The following COG5 variants were observed in gnomAD, a reference collection of about 807,000 sequenced individuals.
COG5 encodes conserved oligomeric Golgi complex subunit 5.
Under a neutral mutation model 110.4 loss-of-function variants are expected in COG5, and 86 were observed. The observed-to-expected ratio is 0.78, with a 90% CI of 0.65 to 0.93. The LOEUF is 0.93. Among genes scored for constraint, COG5 ranks in the 40% least tolerant of loss-of-function variants. The probability of loss-of-function intolerance (pLI) is 0.00; values close to 1 mark genes in which losing one functional copy is unlikely to be tolerated. For missense variants in COG5, 1,077 were observed against 987.0 expected (o/e 1.09, Z -1.22); for synonymous variants, 360 against 334.6 (o/e 1.08, Z -0.83).
At chr7:107,480,621 A>C (rs1797285159) in intron 6 of COG5, among the ~76,000 whole-genome samples, 1 of 152,136 alleles carries the variant, frequency 6.6e-6, no homozygotes, top group Non-Finnish European at 1.5e-5. Context: ...CTCACAAAAG[A>C]AAACTAATTT....
chr7:107,324,534 A>G lies in COG5; in HGVS notation c.1027-13T>C. 1 of 1,560,892 alleles carries G rather than the reference A, an allele frequency of 6.4e-7. No homozygotes were observed. The highest frequency in any genetic ancestry group is 1.2e-5 in the South Asian group (1 of 84,204). Reference sequence around the variant, plus strand: ...CCGGTTGTCCATCCTGTGAAGAACAAACAAAAATTTTTTAAAAATAAAAAA... The same window carrying G: ...CCGGTTGTCCATCCTGTGAAGAACAGACAAAAATTTTTTAAAAATAAAAAA... On this transcript the variant is annotated splice_polypyrimidine_tract_variant and intron_variant, in intron 10 of 21. Coordinates refer to ENST00000297135, the MANE Select transcript of COG5 (RefSeq NM_006348.5).
At chr7:107,466,269 T>C (rs984407582) in intron 6 of COG5, among the ~76,000 whole-genome samples, 4 of 152,252 alleles carry the variant, frequency 2.6e-5, no homozygotes, top group Admixed American at 6.5e-5. Flanking sequence ...ATGCCAACAG[T>C]TGTGCAACAG....
At chr7:107,208,365 A>G in intron 21 of COG5, 2 of 985,474 alleles carry the variant, frequency 2.0e-6, no homozygotes, top group Non-Finnish European at 2.4e-6. Flanking sequence ...AAAGAGAAGC[A>G]AAAGAAAACA....
At position 107,202,971 on chromosome 7, in the gene COG5, ATT is replaced by A. The variant is rs61088959; in HGVS notation, c.*543_*544del. The A allele has an allele frequency of 1.7e-4, 25 of 144,114 alleles. No homozygotes were observed. Among genetic ancestry groups the A allele is most frequent in the Admixed American group, 2.8e-4 (4 of 14,382 alleles). The allele number at this position is 144,114 out of a possible 1,614,324, so 8.9% of individuals were successfully genotyped here. A position where few individuals can be genotyped will look rare whatever the true frequency, so the allele number is the denominator to read the frequency against. ...GTTGTCTATTGGAATCATTTTGGGG[ATT>A]TTTTTTTTTTTTAATAGTGGTGTCT... is the stretch of plus-strand genomic sequence containing the variant. On this transcript the variant is annotated 3_prime_UTR_variant, in exon 22 of 22. Coordinates refer to ENST00000297135, the MANE Select transcript of COG5 (RefSeq NM_006348.5).
Position 107,372,670 on chromosome 7 carries a change from C to G in COG5, c.760G>C (p.Ala254Pro). The G allele has an allele frequency of 2.5e-6, 4 of 1,613,508 alleles. No individual in the cohort carries two copies. Among genetic ancestry groups the G allele is most frequent in the Non-Finnish European group, 2.5e-6 (3 of 1,179,678 alleles). The stretch of plus-strand genomic sequence containing the variant: ...CTGTTGATATTTTCTTCTAAAGTAG[C>G]ACAATATCCATCCACAACACTGGTA... ...TITSVVDGYC[A>P]TLEENINSAL... Residue 254 changes from alanine (A) to proline (P), a missense_variant, in exon 8 of 22, where the codon GCT (alanine) becomes CCT (proline). Ala to Pro is a conservative substitution (Grantham distance 27). Transcript: ENST00000297135.
At chr7:107,314,048 T>C (rs1318933783) in intron 11 of COG5, among the ~76,000 whole-genome samples, 1 of 152,126 alleles carries the variant, frequency 6.6e-6, no homozygotes, top group Non-Finnish European at 1.5e-5. Flanking sequence ...ATTCACAGGA[T>C]GGAATATTTT....
At chr7:107,563,044 C>T (rs562929919) in intron 1 of COG5, among the ~76,000 whole-genome samples, 4 of 152,226 alleles carry the variant, frequency 2.6e-5, no homozygotes, top group South Asian at 2.1e-4. Flanking sequence ...GTGAGAAGGG[C>T]TTTATTTTTA....
At chr7:107,331,403 G>A (rs1250664220) in intron 10 of COG5, among the ~76,000 whole-genome samples, 1 of 152,052 alleles carries the variant, frequency 6.6e-6, no homozygotes, top group Non-Finnish European at 1.5e-5. Context: ...GGGAGGCGGA[G>A]CTTGCAGTGA....
intron 6 of COG5, chr7:107,473,982 T>G (rs1796813569): frequency 2.9e-6 from 2 of 697,798 alleles, no homozygotes; most frequent in South Asian, 2.0e-5. Context: ...GAACACGTTA[T>G]ACGTCATTTA....
intron 10 of COG5, among the ~76,000 whole-genome samples, chr7:107,356,754 A>G (rs1437767049): frequency 1.3e-5 from 2 of 152,170 alleles, no homozygotes; most frequent in African/African-American, 2.4e-5. Context: ...TGTAATTCTA[A>G]TATTATTTCA....
chr7:107,327,826 T>C (rs1809901254), intron 10 of COG5, among the ~76,000 whole-genome samples: 2 of 152,188 alleles, frequency 1.3e-5, no homozygotes, highest in Admixed American at 1.3e-4. Flanking sequence ...GTGGAGAAAC[T>C]GGAAATTTTG....
intron 14 of COG5, among the ~76,000 whole-genome samples, chr7:107,274,812 T>G (rs2116746256): frequency 6.6e-6 from 1 of 152,306 alleles, no homozygotes; most frequent in South Asian, 2.1e-4. Context: ...ATTTTTTACC[T>G]TCTCTTGAAA....
In COG5 at chr7:107,278,889, T is replaced by C. The variant is rs568475934; in HGVS notation, c.1575+2411A>G. 2.6e-5 allele frequency among the ~76,000 whole-genome samples: 4 copies of C among 152,262 alleles called. No individual in the cohort carries two copies. The East Asian group carries it at 5.8e-4, about 22-fold the overall frequency. On this transcript the variant is annotated intron_variant, in intron 14 of 21. Coordinates refer to ENST00000297135, the MANE Select transcript of COG5 (RefSeq NM_006348.5). ...GACACAGGCATGGGCAAAGACTTCA[T>C]GACTAAAACACCAAAAGCAATGGCA...
intron 5 of COG5, among the ~76,000 whole-genome samples, chr7:107,532,141 C>T (rs545614187): frequency 6.6e-6 from 1 of 152,300 alleles, no homozygotes; most frequent in South Asian, 2.1e-4. Context: ...ACTGCAACCT[C>T]CCCCTCCAGG....
intron 6 of COG5, among the ~76,000 whole-genome samples, chr7:107,525,175 C>T (rs1355927818): frequency 2.0e-5 from 3 of 151,928 alleles, no homozygotes; most frequent in Non-Finnish European, 4.4e-5. Context: ...ATCCGCCCGC[C>T]TCAGCCTCCC....
At chr7:107,327,461 A>C (rs1809872134) in intron 10 of COG5, among the ~76,000 whole-genome samples, 1 of 152,192 alleles carries the variant, frequency 6.6e-6, no homozygotes, top group African/African-American at 2.4e-5. Context: ...ACCTAACTTG[A>C]GATTTTCTGT....
At chr7:107,304,220 G>C (rs746059554) in intron 11 of COG5, among the ~76,000 whole-genome samples, 4 of 152,034 alleles carry the variant, frequency 2.6e-5, no homozygotes, top group Non-Finnish European at 5.9e-5. Context: ...CCGAAACCTT[G>C]ACCTAATTCA....
chr7:107,244,573 G>A (rs1209294574), intron 17 of COG5, among the ~76,000 whole-genome samples: 1 of 151,900 alleles, frequency 6.6e-6, no homozygotes, highest in Non-Finnish European at 1.5e-5. Flanking sequence ...TAGGCCATTA[G>A]CTAGACTAAT....
rs575205175 is a variant in COG5 at position 107,481,494 on chromosome 7, T to C, written c.538+45743A>G. ...GTGAGGTAATAATTATATATTAACA[T>C]ATTTATACTTCAATCAGCCAGTAAT... On this transcript the variant is annotated intron_variant, in intron 6 of 21. Coordinates refer to ENST00000297135, the MANE Select transcript of COG5 (RefSeq NM_006348.5). Among the ~76,000 whole-genome samples the C allele has an allele frequency of 2.0e-5, 3 of 152,260 alleles. No homozygotes were observed. The East Asian group carries it at 5.8e-4, about 29-fold the overall frequency.
Sources: gnomAD v4.1 joint callset for allele counts (sites outside exome capture counted in the v4.1 genomes callset) on GRCh38, gnomAD v4.1.1 for gene constraint, MANE v1.5 for transcripts, NCBI Gene and HGNC (gene_info 2026-07-23, HGNC 2026-07-21) for gene names.